LINGO2: variants seen among roughly 807,000 people sequenced by gnomAD.
The protein encoded by LINGO2 is leucine rich repeat and Ig domain containing 2, also known as leucine-rich repeat and immunoglobulin-like domain-containing nogo receptor-interacting protein 2.
LINGO2 carries 14 observed loss-of-function variants against 30.6 expected under a neutral mutation model. The observed-to-expected ratio is 0.46, with a 90% confidence interval of 0.30 to 0.72. The LOEUF (loss-of-function observed/expected upper bound fraction) is 0.72, where lower values mean the gene tolerates loss of function less well. LINGO2 is among the 30% of genes least tolerant of loss of function. The pLI, the probability that LINGO2 is intolerant of heterozygous loss-of-function variation, is 0.07. For missense variants in LINGO2, 729 were observed against 751.7 expected (o/e 0.97, Z 0.35); for synonymous variants, 317 against 288.5 (o/e 1.10, Z -1.00).
the LINGO2 span, among the ~76,000 whole-genome samples, chr9:29,049,823 G>A: frequency 6.6e-6 from 1 of 151,998 alleles, no homozygotes; most frequent in Admixed American, 6.6e-5. Flanking sequence ...CTGGAGGAGA[G>A]GTGAGGATGG....
At chr9:28,189,296 GAA>G (rs1459526806) in intron 4 of LINGO2, among the ~76,000 whole-genome samples, 3,128 of 59,894 alleles carry the variant, frequency 0.052, 531 homozygotes, top group Non-Finnish European at 0.086. Context: ...AGGGAGGAAG[GAA>G]GGAAGGGAGG....
At chr9:28,190,387 T>A (rs1819778701) in intron 4 of LINGO2, among the ~76,000 whole-genome samples, 1 of 152,158 alleles carries the variant, frequency 6.6e-6, no homozygotes, top group Non-Finnish European at 1.5e-5. Flanking sequence ...GAACCGAATA[T>A]TTTTGTTCCC....
In LINGO2 at chr9:28,095,647, TG is replaced by T. The variant is rs1826222564; in HGVS notation, c.-86-83243del. ...GGCATTACCATTCAGGACATAGGCA[TG>T]GGCAAGGACTTCATGTCTAAAACAC... On this transcript the variant is annotated intron_variant, in intron 4 of 5. Transcript: ENST00000379992. Among the ~76,000 whole-genome samples, 3 of 152,046 alleles carry T rather than the reference TG, an allele frequency of 2.0e-5. No individual in the cohort carries two copies. In the South Asian group the frequency reaches 6.2e-4, roughly 32 times the overall value.
intron 4 of LINGO2, among the ~76,000 whole-genome samples, chr9:28,274,614 T>G (rs4302935): frequency 0.97 from 147,200 of 152,286 alleles, 71,257 homozygotes; most frequent in Middle Eastern, 1. Context: ...AGTAGAATGT[T>G]ATTTCTTTGT....
rs575401281 is a variant in LINGO2, at chr9:27,971,280, T to TC, written c.-35-20575dup. 1.7e-4 allele frequency among the ~76,000 whole-genome samples: 26 copies of TC among 152,128 alleles called. No homozygotes were observed. In the East Asian group the frequency reaches 4.6e-3, roughly 27 times the overall value. ...CTTCTGTTTTTTTCTTATTATGCCC[T>TC]CTTCCCTTCCCCATCTTTCCCTCTC... On this transcript the variant is annotated intron_variant, in intron 5 of 5. Transcript: ENST00000379992.
intron 4 of LINGO2, among the ~76,000 whole-genome samples, chr9:28,096,827 G>T (rs757215995): frequency 2.6e-5 from 4 of 152,034 alleles, no homozygotes; most frequent in Non-Finnish European, 5.9e-5. Context: ...ATCTGACTCC[G>T]ACACACAGAT....
the LINGO2 span, among the ~76,000 whole-genome samples, chr9:29,080,827 G>C: frequency 1.8e-4 from 27 of 152,070 alleles, no homozygotes; most frequent in African/African-American, 5.8e-4. Context: ...TATAATTTCT[G>C]TTCTTTTACA....
In LINGO2 at chr9:28,552,997, C is replaced by T. The variant is rs116638342; in HGVS notation, c.-364-76972G>A. On this transcript the variant is annotated intron_variant, in intron 1 of 5. Transcript: ENST00000379992. ...CTTTCTTTTGGTGAAAACTTTTCTC[C>T]GAGTTATTGTTTGTTTGTTTTAGTC... Among the ~76,000 whole-genome samples, 212 of 151,704 alleles carry T rather than the reference C, an allele frequency of 1.4e-3. 2 individuals carry two copies. Among genetic ancestry groups the T allele is most frequent in the Middle Eastern group, 6.8e-3 (2 of 292 alleles).
At chr9:28,369,281 T>C (rs1820807472) in intron 3 of LINGO2, among the ~76,000 whole-genome samples, 1 of 152,192 alleles carries the variant, frequency 6.6e-6, no homozygotes, top group South Asian at 2.1e-4. Flanking sequence ...TTGCCATTTT[T>C]TGTCTGGTAT....
the LINGO2 span, among the ~76,000 whole-genome samples, chr9:29,110,395 C>T: frequency 1.3e-5 from 2 of 152,056 alleles, no homozygotes; most frequent in South Asian, 2.1e-4. Flanking sequence ...TGCAGTGATT[C>T]GATCTCGGCT....
the LINGO2 span, among the ~76,000 whole-genome samples, chr9:29,174,079 T>C: frequency 6.6e-6 from 1 of 151,778 alleles, no homozygotes; most frequent in Non-Finnish European, 1.5e-5. Flanking sequence ...ATTTCTGAGA[T>C]AACAGATAAA....
chr9:28,171,790 C>T (rs1188403896), intron 4 of LINGO2, among the ~76,000 whole-genome samples: 8 of 150,666 alleles, frequency 5.3e-5, no homozygotes, highest in African/African-American at 1.7e-4. Flanking sequence ...AGGCGGATCA[C>T]GAGGTCAGGA....
chr9:28,324,704 A>G (rs1825163277), intron 3 of LINGO2, among the ~76,000 whole-genome samples: 1 of 152,182 alleles, frequency 6.6e-6, no homozygotes, highest in Non-Finnish European at 1.5e-5. Context: ...TATGGTCTAA[A>G]AAGGGGAGGA....
At chr9:28,127,020 T>G (rs372988108) in intron 4 of LINGO2, among the ~76,000 whole-genome samples, 2 of 152,190 alleles carry the variant, frequency 1.3e-5, no homozygotes, top group East Asian at 3.9e-4. Flanking sequence ...AATCTTAAAA[T>G]CAGCTATTTT....
chr9:28,990,738 G>C, the LINGO2 span, among the ~76,000 whole-genome samples: 5 of 125,004 alleles, frequency 4.0e-5, no homozygotes, highest in African/African-American at 1.4e-4. Context: ...CTGATACCCA[G>C]GCTAACAGGG....
chr9:28,144,700 TAAC>T (rs1247050859), intron 4 of LINGO2, among the ~76,000 whole-genome samples: 1 of 152,198 alleles, frequency 6.6e-6, no homozygotes. Flanking sequence ...GAGGAGGTAG[TAAC>T]AACAAGAGAC....
At chr9:28,700,269 G>A in the LINGO2 span, among the ~76,000 whole-genome samples, 2 of 151,908 alleles carry the variant, frequency 1.3e-5, no homozygotes, top group African/African-American at 2.4e-5. Flanking sequence ...CTGGGGGCAG[G>A]TTCCCCCGAT....
intron 4 of LINGO2, among the ~76,000 whole-genome samples, chr9:28,067,887 G>T (rs1411874255): frequency 1.3e-5 from 2 of 152,154 alleles, no homozygotes; most frequent in African/African-American, 2.4e-5. Flanking sequence ...GGCAACAGAA[G>T]ATCAGAGAGT....
intron 4 of LINGO2, among the ~76,000 whole-genome samples, chr9:28,184,382 A>C (rs1013672163): frequency 6.6e-6 from 1 of 152,216 alleles, no homozygotes; most frequent in African/African-American, 2.4e-5. Flanking sequence ...CTGGTCTAAC[A>C]TTAAAGCCTA....
Sources: allele counts gnomAD v4.1 joint callset (sites outside exome capture counted in the v4.1 genomes callset), GRCh38; gene constraint gnomAD v4.1.1; transcripts MANE v1.5; gene names NCBI Gene and HGNC (gene_info 2026-07-23, HGNC 2026-07-21).